Variants in TOMM34 observed in about 807,000 individuals in gnomAD.
The protein encoded by TOMM34 is translocase of outer mitochondrial membrane 34.
TOMM34 carries 24 observed loss-of-function variants against 37.4 expected under a neutral mutation model. The observed-to-expected ratio is 0.64, with a 90% CI of 0.46 to 0.90. TOMM34 has a LOEUF of 0.90. Ranked by LOEUF, TOMM34 falls within the 40% of genes least tolerant of loss-of-function variation. The pLI is 0.00. For missense variants in TOMM34, 304 were observed against 375.6 expected, an observed-to-expected ratio of 0.81 and a Z score of 1.58; for synonymous variants, 154 against 148.9, an observed-to-expected ratio of 1.03 and a Z score of -0.25.
At position 44,960,288 on chromosome 20, in the gene TOMM34, C is replaced by T. The variant is rs768705567; in HGVS notation, c.46G>A (p.Gly16Ser). 1.3e-6 allele frequency: 2 copies of T among 1,583,542 alleles called. No homozygotes were observed. The highest frequency in any genetic ancestry group is 1.7e-6 in the Non-Finnish European group (2 of 1,165,734). ...TGGCCGTTGCGGAAACTCTCATTGC[C>T]GGCGGCGCGGAGCTCCTCCACAGAG... ...PDSVEELRAA[G>S]NESFRNGQYA... Residue 16 changes from glycine (G) to serine (S), a missense_variant, in exon 1 of 7, where the codon GGC becomes AGC. Physicochemically the swap from Gly to Ser is moderately conservative, Grantham distance 56. Transcript: ENST00000372813.
chr20:44,946,031 T>C (rs369514749), intron 5 of TOMM34, among the ~76,000 whole-genome samples: 2 of 152,120 alleles, frequency 1.3e-5, no homozygotes, highest in African/African-American at 4.8e-5. Context: ...CTAACTTTTG[T>C]ATTTTTTGGT....
Position 44,943,103 on chromosome 20 carries a change from G to C in TOMM34, c.*6C>G. 6.2e-7 allele frequency: 1 copy of C among 1,613,968 alleles called. No homozygotes were observed. The highest frequency in any genetic ancestry group is 8.5e-7 in the Non-Finnish European group (1 of 1,179,930). Reference sequence around the variant, plus strand: ...AGGCAGGGGTTCCAGTTGCCCTGTTGGGTTTTTAGTGTAGGTTCTGCTTCA... The same window carrying C: ...AGGCAGGGGTTCCAGTTGCCCTGTTCGGTTTTTAGTGTAGGTTCTGCTTCA... On this transcript the variant is annotated 3_prime_UTR_variant, in exon 7 of 7. Coordinates refer to ENST00000372813, the MANE Select transcript of TOMM34 (RefSeq NM_006809.5).
chr20:44,960,278 C>G lies in TOMM34; in HGVS notation c.56G>C (p.Ser19Thr), dbSNP rs2067114606. The change falls in exon 1 of 7, where the codon AGT becomes ACT. Residue 19 changes from serine to threonine, a missense_variant. Coordinates refer to ENST00000372813, the MANE Select transcript of TOMM34 (RefSeq NM_006809.5). ...VEELRAAGNE[S>T]FRNGQYAEAS... ...CTCGGCGTACTGGCCGTTGCGGAAA[C>G]TCTCATTGCCGGCGGCGCGGAGCTC... 1.9e-6 allele frequency: 3 copies of G among 1,581,332 alleles called. No individual in the cohort carries two copies. Among genetic ancestry groups the G allele is most frequent in the Non-Finnish European group, 1.7e-6 (2 of 1,164,654 alleles).
chr20:44,943,615 G>A lies in TOMM34; in HGVS notation c.699-36C>T, dbSNP rs74715401. ...AGACCATTTCAGAGGTTTCAGTCAC[G>A]TCTTATGGGCCACCCACATGCCACG... On this transcript the variant is annotated intron_variant, in intron 5 of 6. Transcript: ENST00000372813. 356 of 1,613,006 alleles carry A rather than the reference G, an allele frequency of 2.2e-4. 2 individuals are homozygous for A. The African/African-American group carries it at 4.0e-3, about 18-fold the overall frequency.
At chr20:44,953,859 T>C (rs1423484205) in intron 3 of TOMM34, among the ~76,000 whole-genome samples, 1 of 152,130 alleles carries the variant, frequency 6.6e-6, no homozygotes, top group Non-Finnish European at 1.5e-5. Context: ...GCAAAGAGCT[T>C]TTCTCTAAAA....
At chr20:44,943,241 G>A in intron 6 of TOMM34, 28 bp from the exon 7 acceptor site, 1 of 1,613,034 alleles carries the variant, frequency 6.2e-7, no homozygotes. Context: ...AGGAGTGTGG[G>A]GGAAGGTTCC....
intron 5 of TOMM34, among the ~76,000 whole-genome samples, chr20:44,947,180 T>C (rs1329023385): frequency 6.6e-6 from 1 of 152,144 alleles, no homozygotes; most frequent in African/African-American, 2.4e-5. Flanking sequence ...ATGGAACAAA[T>C]AGGCTGCAGG....
At chr20:44,956,706 T>G (rs1362450960) in intron 1 of TOMM34, among the ~76,000 whole-genome samples, 1 of 152,194 alleles carries the variant, frequency 6.6e-6, no homozygotes, top group African/African-American at 2.4e-5. Context: ...AAGTATTTCC[T>G]CATTCACTCA....
At chr20:44,956,134 C>T (rs2067070402) in intron 2 of TOMM34, among the ~76,000 whole-genome samples, 1 of 152,208 alleles carries the variant, frequency 6.6e-6, no homozygotes, top group Non-Finnish European at 1.5e-5. Context: ...AAAGACTTTA[C>T]GGCCTGCTTC....
intron 3 of TOMM34, among the ~76,000 whole-genome samples, chr20:44,954,719 G>A (rs897274624): frequency 2.0e-4 from 31 of 152,234 alleles, no homozygotes; most frequent in Admixed American, 3.9e-4. Flanking sequence ...TCTAATTAGC[G>A]TTAGCGCTTT....
In TOMM34 at chr20:44,943,074, G is replaced by A. The variant is rs1428132905; in HGVS notation, c.*35C>T. 6.2e-6 allele frequency: 10 copies of A among 1,608,496 alleles called. No homozygotes were observed. The highest frequency in any genetic ancestry group is 1.3e-5 in the African/African-American group (1 of 74,910). On this transcript the variant is annotated 3_prime_UTR_variant, in exon 7 of 7. Coordinates refer to ENST00000372813, the MANE Select transcript of TOMM34 (RefSeq NM_006809.5). Reference sequence around the variant, plus strand: ...GGTGGCCCATGGCTTCTCTGGGTAAGGTCAGGCAGGGGTTCCAGTTGCCCT... The same window carrying A: ...GGTGGCCCATGGCTTCTCTGGGTAAAGTCAGGCAGGGGTTCCAGTTGCCCT...
At chr20:44,944,571 C>A (rs1336810745) in intron 5 of TOMM34, among the ~76,000 whole-genome samples, 1 of 152,172 alleles carries the variant, frequency 6.6e-6, no homozygotes. Context: ...ACCTGACTGG[C>A]CAGGTGCAGT....
At position 44,960,327 on chromosome 20, in the gene TOMM34, G is replaced by C. The variant is rs528637350; in HGVS notation, c.7C>G (p.Pro3Ala). 1.7e-5 allele frequency: 27 copies of C among 1,572,894 alleles called. 1 individual carries two copies. In the South Asian group the frequency reaches 2.9e-4, roughly 17 times the overall value. MA[P>A]KFPDSVEELR... Reference sequence around the variant, plus strand: ...TCCTCCACAGAGTCTGGGAATTTGGGGGCCATCCCGTGGCCAGGCCGGCGA... The same window carrying C: ...TCCTCCACAGAGTCTGGGAATTTGGCGGCCATCCCGTGGCCAGGCCGGCGA... Residue 3 changes from proline to alanine, a missense_variant, in exon 1 of 7, where the codon CCC becomes GCC. Physicochemically the swap from Pro to Ala is conservative, Grantham distance 27. Coordinates refer to ENST00000372813, the MANE Select transcript of TOMM34 (RefSeq NM_006809.5).
chr20:44,952,931 C>T (rs1910043569), intron 3 of TOMM34, among the ~76,000 whole-genome samples: 1 of 152,150 alleles, frequency 6.6e-6, no homozygotes, highest in African/African-American at 2.4e-5. Flanking sequence ...CTGGCCCTTC[C>T]CCTTTTTTAG....
Position 44,943,438 on chromosome 20 carries a change from A to G in TOMM34, c.825+15T>C. The stretch of plus-strand genomic sequence containing the variant: ...GTAGCTATGTTGGGACCTTTTGGCC[A>G]GGATTTTTTTTTACCTTGAGTGCTT... On this transcript the variant is annotated intron_variant, in intron 6 of 6. Coordinates refer to ENST00000372813, the MANE Select transcript of TOMM34 (RefSeq NM_006809.5). The G allele has an allele frequency of 6.2e-7, 1 of 1,614,134 alleles. No homozygotes were observed. The highest frequency in any genetic ancestry group is 8.5e-7 in the Non-Finnish European group (1 of 1,180,010).
chr20:44,956,514 A>C, intron 1 of TOMM34, 29 bp from the exon 2 acceptor site: 1 of 1,612,306 alleles, frequency 6.2e-7, no homozygotes, highest in Non-Finnish European at 8.5e-7. Context: ...GAAGATGATC[A>C]GTTTGGAAAA....
At position 44,955,476 on chromosome 20, in the gene TOMM34, C is replaced by A. The variant is rs773486585; in HGVS notation, c.228-256G>T. The A allele has an allele frequency of 3.1e-4, 188 of 602,968 alleles. 1 individual carries two copies. Among genetic ancestry groups the A allele is most frequent in the Non-Finnish European group, 5.0e-4 (162 of 322,944 alleles). 37.4% of individuals were successfully genotyped at this position (602,968 alleles called of 1,614,324 possible). A position where few individuals can be genotyped will look rare whatever the true frequency, so the allele number is the denominator to read the frequency against. On this transcript the variant is annotated intron_variant, in intron 2 of 6. Coordinates refer to ENST00000372813, the MANE Select transcript of TOMM34 (RefSeq NM_006809.5). ...TGCATCAATTTTCATAGTTTCAGTT[C>A]CCCCAAAATCAAGAACAAAAGCCTC...
rs190586139 is a variant in TOMM34 at position 44,951,253 on chromosome 20, G to T, written c.550+580C>A. Among the ~76,000 whole-genome samples the T allele has an allele frequency of 5.3e-5, 8 of 152,220 alleles. No individual in the cohort carries two copies. The East Asian group carries it at 1.5e-3, about 29-fold the overall frequency. On this transcript the variant is annotated intron_variant, in intron 4 of 6. Transcript: ENST00000372813. ...ATCAGAGAAAGACTTTCTTTCTCTGGGTCATGAGGCATGGGGTATGGATGT... is the reference window on the plus strand; with the variant it reads ...ATCAGAGAAAGACTTTCTTTCTCTGTGTCATGAGGCATGGGGTATGGATGT...
intron 5 of TOMM34, among the ~76,000 whole-genome samples, chr20:44,945,922 A>G (rs938149718): frequency 2.6e-5 from 4 of 152,072 alleles, no homozygotes; most frequent in Non-Finnish European, 5.9e-5. Flanking sequence ...CAGTGGCATG[A>G]TAACAGCTCA....
Sources: gnomAD v4.1 joint callset for allele counts (sites outside exome capture counted in the v4.1 genomes callset) on GRCh38, gnomAD v4.1.1 for gene constraint, MANE v1.5 for transcripts, NCBI Gene and HGNC (gene_info 2026-07-23, HGNC 2026-07-21) for gene names.